VAV1: variants seen among roughly 807,000 people sequenced by gnomAD.
The protein encoded by VAV1 is proto-oncogene vav.
Under a neutral mutation model 128.1 loss-of-function variants are expected in VAV1, and 33 were observed. The observed-to-expected ratio is 0.26, with a 90% confidence interval of 0.20 to 0.34. The LOEUF is 0.34. Among genes scored for constraint, VAV1 ranks in the 10% least tolerant of loss-of-function variants. VAV1 has a pLI of 1.00. For synonymous variants in VAV1, 394 were observed against 409.8 expected (o/e 0.96, Z 0.47); for missense variants, 715 against 1,093.7 (o/e 0.65, Z 4.88).
At chr19:6,799,509 T>C (rs974274415) in intron 1 of VAV1, among the ~76,000 whole-genome samples, 9 of 152,088 alleles carry the variant, frequency 5.9e-5, no homozygotes, top group African/African-American at 2.2e-4. Context: ...ACGTGCAGGT[T>C]TGTTACATAG....
At chr19:6,804,456 G>A (rs1173564029) in intron 1 of VAV1, among the ~76,000 whole-genome samples, 5 of 151,820 alleles carry the variant, frequency 3.3e-5, no homozygotes, top group Non-Finnish European at 7.4e-5. Flanking sequence ...TTGCTCTGTC[G>A]CCCAGGCTGG....
At chr19:6,833,448 T>A (rs2144793788) in intron 16 of VAV1, 80 bp from the exon 17 acceptor site, 1 of 1,447,000 alleles carries the variant, frequency 6.9e-7, no homozygotes, top group East Asian at 2.3e-5. Flanking sequence ...ACCCAAGGGG[T>A]CCCTTTATGT....
intron 21 of VAV1, among the ~76,000 whole-genome samples, chr19:6,839,674 T>C (rs1317489232): frequency 4.6e-5 from 7 of 152,158 alleles, no homozygotes; most frequent in African/African-American, 4.8e-5. Flanking sequence ...GCAAAATATA[T>C]AGAACATAAA....
At position 6,833,153 on chromosome 19, in the gene VAV1, T is replaced by C. The variant is rs776283092; in HGVS notation, c.1509-31T>C. 7.9e-6 allele frequency: 6 copies of C among 762,944 alleles called. No homozygotes were observed. In the South Asian group the frequency reaches 1.0e-4, roughly 13 times the overall value. 47.3% of individuals were successfully genotyped at this position (762,944 alleles called of 1,614,324 possible). A position where few individuals can be genotyped will look rare whatever the true frequency, so the allele number is the denominator to read the frequency against. On this transcript the variant is annotated intron_variant, in intron 15 of 26. Transcript: ENST00000602142. Reference sequence around the variant, plus strand: ...AAAAGGAATAAAATACTGACCTTCTTTTTTTTTTTTTTTTAATTTTCCCCT... The same window carrying C: ...AAAAGGAATAAAATACTGACCTTCTCTTTTTTTTTTTTTTAATTTTCCCCT...
intron 22 of VAV1, among the ~76,000 whole-genome samples, chr19:6,846,571 T>C (rs1357968707): frequency 1.3e-5 from 2 of 150,024 alleles, no homozygotes; most frequent in Non-Finnish European, 3.0e-5. Context: ...AAAAAAATTA[T>C]ATATTATATA....
intron 1 of VAV1, among the ~76,000 whole-genome samples, chr19:6,789,684 G>A (rs1041880913): frequency 2.6e-5 from 4 of 151,650 alleles, no homozygotes; most frequent in Non-Finnish European, 5.9e-5. Context: ...TGCAACCTCC[G>A]CATCATGGGT....
chr19:6,836,695 G>T, intron 20 of VAV1, 127 bp downstream of exon 20: 1 of 1,424,854 alleles, frequency 7.0e-7, no homozygotes, highest in Non-Finnish European at 9.4e-7. Flanking sequence ...AGTGGGGTAG[G>T]TAGACTGAGA....
intron 19 of VAV1, 71 bp from the exon 20 acceptor site, chr19:6,836,361 T>A (rs754462714): frequency 1.0e-5 from 16 of 1,549,294 alleles, no homozygotes; most frequent in Non-Finnish European, 1.4e-5. Context: ...TTAGCCATTC[T>A]CGTGGGTGGC....
rs1970678975 is a variant in VAV1 at position 6,777,862 on chromosome 19, AT to A, written c.204+4852del. Among the ~76,000 whole-genome samples the A allele has an allele frequency of 6.6e-6, 1 of 152,044 alleles. No homozygotes were observed. Among genetic ancestry groups the A allele is most frequent in the African/African-American group, 2.4e-5 (1 of 41,372 alleles). ...GTCTCCCAGGATGGAGTGCAGTGGCATGGTCCCAACTCACTGCAGCCTCCAC... is the reference window on the plus strand; with the variant it reads ...GTCTCCCAGGATGGAGTGCAGTGGCAGGTCCCAACTCACTGCAGCCTCCAC... On this transcript the variant is annotated intron_variant, in intron 1 of 26. Coordinates refer to ENST00000602142, the MANE Select transcript of VAV1 (RefSeq NM_005428.4). The surrounding 1 kb of genome is among the most constrained non-coding windows in gnomAD (Gnocchi z 4.4).
intron 1 of VAV1, among the ~76,000 whole-genome samples, chr19:6,773,846 G>C (rs529471554): frequency 7.5e-4 from 114 of 152,262 alleles, no homozygotes; most frequent in African/African-American, 2.6e-3. Flanking sequence ...TGGTTCCCCA[G>C]GGCTGCTGGG....
rs141760749 is a variant in VAV1, at chr19:6,802,990, G to A, written c.205-17712G>A. Among the ~76,000 whole-genome samples, 15 of 152,238 alleles carry A rather than the reference G, an allele frequency of 9.9e-5. No individual in the cohort carries two copies. The East Asian group carries it at 2.5e-3, about 25-fold the overall frequency. On this transcript the variant is annotated intron_variant, in intron 1 of 26. Transcript: ENST00000602142. ...AAACTTACACTCAAGTCTTTGTAGCGGCTTTATTCATGATTGCTGAAACTG... is the reference window on the plus strand; with the variant it reads ...AAACTTACACTCAAGTCTTTGTAGCAGCTTTATTCATGATTGCTGAAACTG...
At chr19:6,847,333 G>C (rs138939156) in intron 22 of VAV1, among the ~76,000 whole-genome samples, 1 of 151,798 alleles carries the variant, frequency 6.6e-6, no homozygotes, top group African/African-American at 2.4e-5. Context: ...CGCAGCCCCC[G>C]GGAACCAAGG....
At chr19:6,794,508 A>G (rs906916118) in intron 1 of VAV1, among the ~76,000 whole-genome samples, 2 of 152,160 alleles carry the variant, frequency 1.3e-5, no homozygotes, top group African/African-American at 4.8e-5. Context: ...CTGTCTCAAA[A>G]CAAAACAAAA....
chr19:6,834,857 C>T (rs2144796922), intron 19 of VAV1, among the ~76,000 whole-genome samples: 1 of 150,872 alleles, frequency 6.6e-6, no homozygotes, highest in South Asian at 2.1e-4. Context: ...TCTGTGATCC[C>T]AGCACTTTGA....
At chr19:6,806,180 G>A (rs1470956175) in intron 1 of VAV1, among the ~76,000 whole-genome samples, 2 of 152,050 alleles carry the variant, frequency 1.3e-5, no homozygotes, top group African/African-American at 2.4e-5. Flanking sequence ...TCCGCCACCC[G>A]GGTTCAAGCA....
chr19:6,834,152 A>AT (rs113339841), intron 19 of VAV1, among the ~76,000 whole-genome samples, 199 bp downstream of exon 19: 89 of 147,876 alleles, frequency 6.0e-4, no homozygotes, highest in East Asian at 5.9e-4. Context: ...CGCCTAGCTA[A>AT]TTTTTTTTTT....
In VAV1 at chr19:6,832,073, AG is replaced by A; in HGVS notation, c.1399-17del. ...CTGCGGGGGCAGTGCCTTCAGTCTG[AG>A]CTCTGCTTCCCTGCAGTGGAGCCAC... On this transcript the variant is annotated splice_polypyrimidine_tract_variant and intron_variant, in intron 14 of 26. Transcript: ENST00000602142. 1.9e-6 allele frequency: 3 copies of A among 1,612,856 alleles called. No homozygotes were observed. The highest frequency in any genetic ancestry group is 2.5e-6 in the Non-Finnish European group (3 of 1,179,010).
chr19:6,829,005 T>G, intron 13 of VAV1, 105 bp downstream of exon 13: 1 of 1,358,722 alleles, frequency 7.4e-7, no homozygotes, highest in Non-Finnish European at 1.0e-6. Flanking sequence ...GGGTGGAGCC[T>G]GGGCAGGGGC....
At chr19:6,850,792 A>C (rs1972655689) in intron 24 of VAV1, 35 bp downstream of exon 24, 1 of 1,608,480 alleles carries the variant, frequency 6.2e-7, no homozygotes, top group Non-Finnish European at 8.5e-7. Flanking sequence ...CCAGCTTTCC[A>C]GAACCTAGGA....
Sources: allele counts gnomAD v4.1 joint callset (sites outside exome capture counted in the v4.1 genomes callset), GRCh38; gene constraint gnomAD v4.1.1; non-coding constraint Gnocchi (gnomAD v3.1); transcripts MANE v1.5; gene names NCBI Gene and HGNC (gene_info 2026-07-23, HGNC 2026-07-21).